Variants in CSMD1 observed in about 807,000 individuals in gnomAD.
The protein encoded by CSMD1 is CUB and sushi domain-containing protein 1.
A neutral mutation model predicts 417.5 loss-of-function variants in CSMD1; 213 were observed. That is an observed-to-expected ratio of 0.51 (90% CI 0.46 to 0.57). The LOEUF is 0.57. CSMD1 is among the 20% of genes least tolerant of loss of function. CSMD1 has a pLI of 0.00. For missense variants in CSMD1, 6,923 were observed against 4,529.7 expected (o/e 1.53, Z -15.17); for synonymous variants, 2,862 against 1,736.8 (o/e 1.65, Z -16.11).
Position 3,106,602 on chromosome 8 carries a change from A to C in CSMD1, c.6875T>G (p.Leu2292Trp). 3 of 1,613,750 alleles carry C rather than the reference A, an allele frequency of 1.9e-6. No individual in the cohort carries two copies. Among genetic ancestry groups the C allele is most frequent in the Non-Finnish European group, 2.5e-6 (3 of 1,179,726 alleles). The change falls in exon 46 of 70, where the codon TTG becomes TGG. Residue 2292 changes from leucine to tryptophan, a missense_variant. Leu to Trp is a moderately conservative substitution (Grantham distance 61). Transcript: ENST00000635120. The stretch of plus-strand genomic sequence containing the variant: ...GCAAGTCAGAATGTCGGTCCCCACC[A>C]AGGTGTACCCGGGGTGGCACTGGTA... ...VKYQCHPGYT[L>W]VGTDILTCKL...
chr8:3,333,655 G>A (rs776710202), intron 23 of CSMD1, among the ~76,000 whole-genome samples: 9 of 152,108 alleles, frequency 5.9e-5, no homozygotes, highest in African/African-American at 1.2e-4. Context: ...GTGGATTTAC[G>A]TGCAGGCTGA....
At chr8:3,148,110 T>C (rs1188289273) in intron 40 of CSMD1, among the ~76,000 whole-genome samples, 1 of 152,166 alleles carries the variant, frequency 6.6e-6, no homozygotes, top group Non-Finnish European at 1.5e-5. Context: ...CCACAGGAAA[T>C]GTTCCAGAAT....
intron 26 of CSMD1, among the ~76,000 whole-genome samples, chr8:3,273,784 T>G (rs951457537): frequency 1.4e-5 from 2 of 138,476 alleles, no homozygotes; most frequent in African/African-American, 5.6e-5. Context: ...TGATATCCCC[T>G]TTATCATTTT....
At chr8:3,150,014 G>C (rs1318408444) in intron 40 of CSMD1, among the ~76,000 whole-genome samples, 1 of 152,176 alleles carries the variant, frequency 6.6e-6, no homozygotes, top group African/African-American at 2.4e-5. Context: ...TGACTCCAAA[G>C]ATTAGTTCAA....
At chr8:4,330,858 C>T (rs1354175337) in intron 3 of CSMD1, among the ~76,000 whole-genome samples, 2 of 152,110 alleles carry the variant, frequency 1.3e-5, no homozygotes, top group African/African-American at 4.8e-5. Flanking sequence ...CCAGATTCTA[C>T]AGCTCAGCAG....
At chr8:2,986,733 T>C (rs1306652123) in intron 54 of CSMD1, among the ~76,000 whole-genome samples, 1 of 152,120 alleles carries the variant, frequency 6.6e-6, no homozygotes, top group Non-Finnish European at 1.5e-5. Flanking sequence ...TTTGATCTCC[T>C]GACCTCGTGA....
chr8:4,684,359 A>G (rs988818029), intron 1 of CSMD1, among the ~76,000 whole-genome samples: 4 of 152,234 alleles, frequency 2.6e-5, no homozygotes, highest in Admixed American at 2.6e-4. Flanking sequence ...TTGATTCTCA[A>G]AATGAACTCT....
intron 1 of CSMD1, among the ~76,000 whole-genome samples, chr8:4,823,512 A>G (rs1301338854): frequency 1.3e-5 from 2 of 152,050 alleles, no homozygotes; most frequent in Non-Finnish European, 2.9e-5. Context: ...CTCACTTGCA[A>G]TGTACCTCAT....
At chr8:4,088,400 C>A (rs556303656) in intron 3 of CSMD1, among the ~76,000 whole-genome samples, 2 of 152,210 alleles carry the variant, frequency 1.3e-5, no homozygotes, top group African/African-American at 4.8e-5. Flanking sequence ...TCGGTAACAC[C>A]TTTTCTCAGG....
intron 5 of CSMD1, among the ~76,000 whole-genome samples, chr8:3,788,796 C>T (rs935102199): frequency 6.6e-6 from 1 of 152,108 alleles, no homozygotes; most frequent in Non-Finnish European, 1.5e-5. Context: ...AAAATCAATA[C>T]ACAGGACAGA....
intron 1 of CSMD1, among the ~76,000 whole-genome samples, chr8:4,975,843 ATAC>A (rs1176100120): frequency 9.8e-5 from 15 of 152,296 alleles, no homozygotes; most frequent in African/African-American, 3.1e-4. Flanking sequence ...AACCCAGCAG[ATAC>A]TACTTATGAA....
intron 1 of CSMD1, among the ~76,000 whole-genome samples, chr8:4,676,342 C>A (rs998509136): frequency 3.3e-5 from 5 of 152,138 alleles, no homozygotes; most frequent in Admixed American, 1.3e-4. Context: ...CTGTATCCAT[C>A]TGCCCTGAAC....
chr8:3,590,981 G>C (rs948295610), intron 8 of CSMD1, among the ~76,000 whole-genome samples: 22 of 152,226 alleles, frequency 1.4e-4, no homozygotes, highest in Non-Finnish European at 2.6e-4. Flanking sequence ...TATAACATCA[G>C]ATAATCTAAC....
intron 2 of CSMD1, among the ~76,000 whole-genome samples, chr8:4,616,696 C>G (rs1324335204): frequency 6.6e-6 from 1 of 152,166 alleles, no homozygotes; most frequent in African/African-American, 2.4e-5. Context: ...AGCATCTTGA[C>G]TCATTTGTCA....
chr8:3,932,222 GA>G (rs2129661127), intron 5 of CSMD1, among the ~76,000 whole-genome samples: 1 of 150,518 alleles, frequency 6.6e-6, no homozygotes, highest in East Asian at 2.0e-4. Flanking sequence ...TCATGTTACT[GA>G]AAAGGGTCAA....
chr8:4,191,185 A>G (rs1472984148), intron 3 of CSMD1, among the ~76,000 whole-genome samples: 2 of 152,188 alleles, frequency 1.3e-5, no homozygotes, highest in Non-Finnish European at 2.9e-5. Context: ...TCACGACGTC[A>G]GGAGATTGAG....
chr8:3,979,055 C>G (rs1180403600), intron 5 of CSMD1, among the ~76,000 whole-genome samples: 1 of 152,196 alleles, frequency 6.6e-6, no homozygotes, highest in South Asian at 2.1e-4. Context: ...GAAGTTTCCT[C>G]CTTTCCTTCA....
At position 4,743,387 on chromosome 8, in the gene CSMD1, T is replaced by C. The variant is rs530324548; in HGVS notation, c.86-105829A>G. Among the ~76,000 whole-genome samples the C allele has an allele frequency of 9.2e-5, 14 of 152,274 alleles. No homozygotes were observed. The East Asian group carries it at 2.7e-3, about 29-fold the overall frequency. ...AACGTTCACAGGATGGAAATTATCA[T>C]CATGAAACACAGGGAGTGGTATCTT... On this transcript the variant is annotated intron_variant, in intron 1 of 69. Transcript: ENST00000635120.
chr8:4,037,236 T>A (rs768009747), intron 3 of CSMD1, among the ~76,000 whole-genome samples: 4 of 152,234 alleles, frequency 2.6e-5, no homozygotes, highest in Non-Finnish European at 5.9e-5. Context: ...ACAAGTAATA[T>A]GACATAGGAA....
Sources: gnomAD v4.1 joint callset for allele counts (sites outside exome capture counted in the v4.1 genomes callset) on GRCh38, gnomAD v4.1.1 for gene constraint, MANE v1.5 for transcripts, NCBI Gene and HGNC (gene_info 2026-07-23, HGNC 2026-07-21) for gene names.